Variants in SPART observed in about 807,000 individuals in gnomAD.
The protein encoded by SPART is spartin.
In SPART, 35 loss-of-function variants were observed where a neutral mutation model predicts 58.7. The observed-to-expected ratio is 0.60, with a 90% CI of 0.46 to 0.79. The LOEUF (loss-of-function observed/expected upper bound fraction) is 0.79, where lower values mean the gene tolerates loss of function less well. Among genes scored for constraint, SPART ranks in the 30% least tolerant of loss-of-function variants. The pLI is 0.00. For missense variants in SPART, 730 were observed against 786.1 expected, an observed-to-expected ratio of 0.93 and a Z score of 0.85; for synonymous variants, 284 against 280.7, an observed-to-expected ratio of 1.01 and a Z score of -0.12.
chr13:36,365,254 T>C (rs1446090534), intron 1 of SPART, among the ~76,000 whole-genome samples: 1 of 152,192 alleles, frequency 6.6e-6, no homozygotes, highest in African/African-American at 2.4e-5. Context: ...AAAAAAAAAT[T>C]ATACAGTGCA....
At chr13:36,315,128 C>CCTTTG (rs914243118) in intron 5 of SPART, among the ~76,000 whole-genome samples, 8 of 152,286 alleles carry the variant, frequency 5.3e-5, no homozygotes, top group South Asian at 2.1e-4. Context: ...GGGCCCTAGC[C>CCTTTG]CTTTGCTTTG....
At chr13:36,328,960 T>C (rs577321970) in intron 4 of SPART, among the ~76,000 whole-genome samples, 1 of 152,078 alleles carries the variant, frequency 6.6e-6, no homozygotes, top group Admixed American at 6.5e-5. Flanking sequence ...CTTGGCCAGG[T>C]ATGGTGGCTC....
intron 1 of SPART, among the ~76,000 whole-genome samples, chr13:36,339,557 G>C (rs1480889662): frequency 7.0e-6 from 1 of 143,820 alleles, no homozygotes; most frequent in African/African-American, 2.6e-5. Flanking sequence ...CTTGAACCCG[G>C]AAGGCAGAGG....
At position 36,302,566 on chromosome 13, in the gene SPART, C is replaced by T. The variant is rs9547190; in HGVS notation, c.*1799G>A. ...TTTGCTGACCTCTGGTCAAAGCTAA[C>T]TGTTTAAAGTTTATGTTCCATTATT... On this transcript the variant is annotated 3_prime_UTR_variant, in exon 9 of 9. Coordinates refer to ENST00000438666, the MANE Select transcript of SPART (RefSeq NM_015087.5). The T allele has an allele frequency of 0.24, 37,008 of 152,084 alleles. 4,910 individuals carry two copies. The highest frequency in any genetic ancestry group is 0.51 in the East Asian group (2,633 of 5,162). 9.4% of individuals were successfully genotyped at this position (152,084 alleles called of 1,614,324 possible).
chr13:36,321,846 C>T (rs1487310374), intron 5 of SPART, among the ~76,000 whole-genome samples: 1 of 151,142 alleles, frequency 6.6e-6, no homozygotes, highest in South Asian at 2.1e-4. Flanking sequence ...AGTGAATATG[C>T]CCTGCCCCAC....
chr13:36,346,475 C>T (rs2281864), upstream of SPART: 37,985 of 152,766 alleles, frequency 0.25, 5,240 homozygotes, highest in East Asian at 0.51. Context: ...CGCCACAGAG[C>T]CCGCAGCACG....
chr13:36,326,199 T>C, intron 5 of SPART: 1 of 296,570 alleles, frequency 3.4e-6, no homozygotes, highest in East Asian at 9.4e-5. Context: ...GATTTCAATA[T>C]ATGAATTTTG....
chr13:36,315,720 A>T (rs886906291), intron 5 of SPART, among the ~76,000 whole-genome samples: 1 of 152,216 alleles, frequency 6.6e-6, no homozygotes. Context: ...ATTTAAAAAA[A>T]TTATCTTTTT....
intron 1 of SPART, among the ~76,000 whole-genome samples, chr13:36,359,867 T>C (rs1938069446): frequency 7.1e-6 from 1 of 140,294 alleles, no homozygotes; most frequent in African/African-American, 2.7e-5. Flanking sequence ...CCAGTATGTA[T>C]AGGGCATTTA....
intron 1 of SPART, among the ~76,000 whole-genome samples, chr13:36,338,809 T>C (rs1304228759): frequency 2.6e-5 from 4 of 152,164 alleles, no homozygotes; most frequent in Non-Finnish European, 4.4e-5. Flanking sequence ...AGTTATCTTC[T>C]TGAGGAATCT....
At chr13:36,337,738 C>T (rs891505944) in intron 1 of SPART, among the ~76,000 whole-genome samples, 5 of 152,082 alleles carry the variant, frequency 3.3e-5, no homozygotes, top group South Asian at 4.1e-4. Flanking sequence ...TCAACTGTTC[C>T]GATATTGTGG....
chr13:36,317,702 C>T (rs913498306), intron 5 of SPART, among the ~76,000 whole-genome samples: 1 of 152,006 alleles, frequency 6.6e-6, no homozygotes, highest in Non-Finnish European at 1.5e-5. Context: ...TCACTATAGG[C>T]AACCTTCCAC....
intron 1 of SPART, among the ~76,000 whole-genome samples, chr13:36,343,202 T>C (rs1280381618): frequency 6.6e-6 from 1 of 152,208 alleles, no homozygotes; most frequent in Non-Finnish European, 1.5e-5. Flanking sequence ...CTTACAGAAT[T>C]AGTTATAGGA....
At chr13:36,316,357 C>T (rs1440128838) in intron 5 of SPART, among the ~76,000 whole-genome samples, 3 of 152,250 alleles carry the variant, frequency 2.0e-5, no homozygotes, top group South Asian at 2.1e-4. Context: ...CAAGCCATCG[C>T]ATCCCCTGTG....
chr13:36,325,299 C>T (rs756928874), intron 5 of SPART, among the ~76,000 whole-genome samples: 1 of 152,150 alleles, frequency 6.6e-6, no homozygotes, highest in African/African-American at 2.4e-5. Context: ...CTTTGTAAAT[C>T]TCTTTCAAGT....
chr13:36,314,494 T>C (rs118086924), intron 5 of SPART, 73 bp from the exon 6 acceptor site: 8 of 1,398,040 alleles, frequency 5.7e-6, no homozygotes, highest in Middle Eastern at 1.8e-4. Flanking sequence ...ATAAATAACA[T>C]CAACCAGAAA....
chr13:36,324,173 T>C (rs2137441794), intron 5 of SPART, among the ~76,000 whole-genome samples: 1 of 152,368 alleles, frequency 6.6e-6, no homozygotes, highest in South Asian at 2.1e-4. Flanking sequence ...GTGGGGTCTA[T>C]GTCACATTCC....
At chr13:36,325,235 C>G (rs187281810) in intron 5 of SPART, among the ~76,000 whole-genome samples, 16 of 152,208 alleles carry the variant, frequency 1.1e-4, no homozygotes, top group African/African-American at 3.9e-4. Context: ...GCTTAGCAGC[C>G]TATAAAGTTG....
At chr13:36,304,733 T>TG in intron 8 of SPART, 101 bp from the exon 9 acceptor site, 1 of 1,273,436 alleles carries the variant, frequency 7.9e-7, no homozygotes, top group East Asian at 2.5e-5. Context: ...GTGTTACCCC[T>TG]GAAAGCAAAA....
Sources: allele counts gnomAD v4.1 joint callset (sites outside exome capture counted in the v4.1 genomes callset), GRCh38; gene constraint gnomAD v4.1.1; transcripts MANE v1.5; gene names NCBI Gene and HGNC (gene_info 2026-07-23, HGNC 2026-07-21).